NRXN1: variants seen among roughly 807,000 people sequenced by gnomAD.
NRXN1 encodes neurexin 1, also known as neurexin-1.
Under a neutral mutation model 150.9 loss-of-function variants are expected in NRXN1, and 39 were observed. The ratio of observed to expected loss-of-function variants is 0.26; its 90% CI spans 0.20 to 0.34. NRXN1 has a LOEUF of 0.34. Ranked by LOEUF, NRXN1 falls within the 10% of genes least tolerant of loss-of-function variation. NRXN1 has a pLI of 1.00. For synonymous variants in NRXN1, 924 were observed against 757.0 expected, an observed-to-expected ratio of 1.22 and a Z score of -3.62; for missense variants, 1,815 against 1,949.9, an observed-to-expected ratio of 0.93 and a Z score of 1.30.
intron 17 of NRXN1, among the ~76,000 whole-genome samples, chr2:50,354,549 G>GCATA (rs1184539615): frequency 3.4e-4 from 25 of 72,522 alleles, no homozygotes; most frequent in Non-Finnish European, 5.5e-4. Context: ...CGTCTAGAGT[G>GCATA]CATACATATA....
intron 17 of NRXN1, among the ~76,000 whole-genome samples, chr2:50,241,383 G>A (rs2065985210): frequency 6.6e-6 from 1 of 151,698 alleles, no homozygotes; most frequent in African/African-American, 2.4e-5. Flanking sequence ...CCAATATAGA[G>A]AGGAACATAG....
chr2:50,083,593 G>T (rs1025732856), intron 19 of NRXN1, among the ~76,000 whole-genome samples: 1 of 152,088 alleles, frequency 6.6e-6, no homozygotes, highest in African/African-American at 2.4e-5. Context: ...CACGCAAGAG[G>T]ACCCCAGCAG....
intron 5 of NRXN1, among the ~76,000 whole-genome samples, chr2:50,885,983 C>A (rs1680181403): frequency 6.6e-6 from 1 of 151,388 alleles, no homozygotes; most frequent in Non-Finnish European, 1.5e-5. Context: ...ATTCACCCCA[C>A]AGACTAAGTA....
chr2:50,298,077 T>C (rs1235309741), intron 17 of NRXN1, among the ~76,000 whole-genome samples: 2 of 152,032 alleles, frequency 1.3e-5, no homozygotes, highest in African/African-American at 4.8e-5. Flanking sequence ...ATATTAATAT[T>C]AAGATTAATA....
At chr2:50,363,181 A>T (rs1408980115) in intron 17 of NRXN1, among the ~76,000 whole-genome samples, 1 of 152,130 alleles carries the variant, frequency 6.6e-6, no homozygotes, top group East Asian at 1.9e-4. Flanking sequence ...ATAGGCATGG[A>T]CAAAGACTGC....
intron 18 of NRXN1, among the ~76,000 whole-genome samples, chr2:50,189,896 A>T (rs772173065): frequency 1.1e-4 from 17 of 152,202 alleles, no homozygotes; most frequent in Non-Finnish European, 2.2e-4. Flanking sequence ...CAGTTTGCAC[A>T]TGGATGATAC....
rs74378856 is a variant in NRXN1 at position 50,008,158 on chromosome 2, T to C, written c.4128+45113A>G. Among the ~76,000 whole-genome samples the C allele has an allele frequency of 4.5e-3, 692 of 152,228 alleles. 6 individuals are homozygous for C. Among genetic ancestry groups the C allele is most frequent in the African/African-American group, 0.015 (637 of 41,548 alleles). ...CCCAAGTATCTAGACATTCCCAAAA[T>C]AGGAGGTTCAATGTTTTAAATAGCA... On this transcript the variant is annotated intron_variant, in intron 21 of 22. Transcript: ENST00000401669.
intron 5 of NRXN1, among the ~76,000 whole-genome samples, chr2:50,732,402 A>C (rs1299204168): frequency 2.0e-5 from 3 of 152,146 alleles, no homozygotes; most frequent in African/African-American, 4.8e-5. Context: ...GTTAGTGATC[A>C]GCTGCTAAGA....
chr2:50,493,942 T>G (rs987070021), intron 15 of NRXN1, among the ~76,000 whole-genome samples: 1 of 152,208 alleles, frequency 6.6e-6, no homozygotes, highest in Non-Finnish European at 1.5e-5. Flanking sequence ...TTTTCTTTAT[T>G]ATGGGCAAAG....
At chr2:50,169,227 T>C (rs1400566216) in intron 18 of NRXN1, among the ~76,000 whole-genome samples, 1 of 152,120 alleles carries the variant, frequency 6.6e-6, no homozygotes, top group East Asian at 1.9e-4. Context: ...CAGTAAAAGA[T>C]CCAGTATTCA....
intron 17 of NRXN1, among the ~76,000 whole-genome samples, chr2:50,292,690 A>G (rs1199837218): frequency 6.6e-6 from 1 of 152,172 alleles, no homozygotes; most frequent in African/African-American, 2.4e-5. Flanking sequence ...AACATAATAG[A>G]ACTTGTTCTC....
intron 5 of NRXN1, among the ~76,000 whole-genome samples, chr2:50,636,060 A>C (rs1344453746): frequency 6.6e-6 from 1 of 152,120 alleles, no homozygotes; most frequent in African/African-American, 2.4e-5. Flanking sequence ...CAAATGTTTT[A>C]TTGCCCAGAA....
intron 21 of NRXN1, among the ~76,000 whole-genome samples, chr2:49,971,613 C>G (rs1677973504): frequency 6.6e-6 from 1 of 152,136 alleles, no homozygotes; most frequent in Non-Finnish European, 1.5e-5. Flanking sequence ...GCAGTCTACT[C>G]TCCATAATAT....
In NRXN1 at chr2:50,063,326, T is replaced by G. The variant is rs1240219334; in HGVS notation, c.3719-8282A>C. Among the ~76,000 whole-genome samples, 3 of 152,172 alleles carry G rather than the reference T, an allele frequency of 2.0e-5. No homozygotes were observed. The East Asian group carries it at 5.8e-4, about 29-fold the overall frequency. On this transcript the variant is annotated intron_variant, in intron 19 of 22. Coordinates refer to ENST00000401669, the MANE Select transcript of NRXN1 (RefSeq NM_001330078.2). ...ACATTTGTCTTATATATTACTTTAT[T>G]TCCTATATCATTAAAATGTAAAAGC...
intron 17 of NRXN1, among the ~76,000 whole-genome samples, chr2:50,396,347 T>C (rs969559099): frequency 2.0e-5 from 3 of 152,206 alleles, no homozygotes; most frequent in African/African-American, 4.8e-5. Flanking sequence ...TCACATGTAA[T>C]GGTACTTATT....
At chr2:50,656,109 C>T (rs1301313347) in intron 5 of NRXN1, among the ~76,000 whole-genome samples, 3 of 151,866 alleles carry the variant, frequency 2.0e-5, no homozygotes. Context: ...GTCTGAGTTA[C>T]CCGCATTTTC....
intron 17 of NRXN1, among the ~76,000 whole-genome samples, chr2:50,427,108 C>T (rs1178241393): frequency 1.3e-5 from 2 of 152,102 alleles, no homozygotes; most frequent in African/African-American, 4.8e-5. Flanking sequence ...AAATTACAAG[C>T]TATCTTGTTT....
At chr2:50,467,642 A>T (rs1401015338) in intron 16 of NRXN1, among the ~76,000 whole-genome samples, 1 of 151,398 alleles carries the variant, frequency 6.6e-6, no homozygotes, top group East Asian at 1.9e-4. Flanking sequence ...GATATTGTAA[A>T]TCTTAATTCT....
intron 5 of NRXN1, among the ~76,000 whole-genome samples, chr2:50,689,484 T>C (rs1230195631): frequency 6.6e-6 from 1 of 152,202 alleles, no homozygotes. Flanking sequence ...ATCCTTTAAA[T>C]TCTCTGTATA....
Sources: gnomAD v4.1 joint callset for allele counts (sites outside exome capture counted in the v4.1 genomes callset) on GRCh38, gnomAD v4.1.1 for gene constraint, MANE v1.5 for transcripts, NCBI Gene and HGNC (gene_info 2026-07-23, HGNC 2026-07-21) for gene names.